Variants in CDH12 observed in about 807,000 individuals in gnomAD.
CDH12 encodes the protein cadherin 12, also known as cadherin-12.
Under a neutral mutation model 74.1 loss-of-function variants are expected in CDH12, and 41 were observed. That is an observed-to-expected ratio of 0.55 (90% CI 0.43 to 0.72). The LOEUF is 0.72. Among genes scored for constraint, CDH12 ranks in the 30% least tolerant of loss-of-function variants. The pLI is 0.00. For synonymous variants in CDH12, 399 were observed against 355.0 expected (o/e 1.12, Z -1.39); for missense variants, 945 against 977.2 (o/e 0.97, Z 0.44).
chr5:21,924,525 A>T (rs1174385061), intron 6 of CDH12, among the ~76,000 whole-genome samples: 1 of 78,670 alleles, frequency 1.3e-5, no homozygotes, highest in Non-Finnish European at 3.4e-5. Flanking sequence ...TCAATAAATA[A>T]ATACATGAAT....
rs529740382 is a variant in CDH12, at chr5:21,751,010, A to G, written c.*727T>C. On this transcript the variant is annotated 3_prime_UTR_variant, in exon 15 of 15. Transcript: ENST00000382254. ...ATTTTAATGAACAGCTTTAATGTGA[A>G]CTAATGTTAAGATCAAACATTGTTT... is the stretch of plus-strand genomic sequence containing the variant. The G allele has an allele frequency of 2.0e-5, 3 of 152,096 alleles. No individual in the cohort carries two copies. Among genetic ancestry groups the G allele is most frequent in the Non-Finnish European group, 4.4e-5 (3 of 67,984 alleles). 9.4% of individuals were successfully genotyped at this position (152,096 alleles called of 1,614,324 possible).
intron 6 of CDH12, among the ~76,000 whole-genome samples, chr5:21,886,982 A>G (rs962405812): frequency 3.3e-5 from 5 of 152,174 alleles, no homozygotes; most frequent in Admixed American, 2.0e-4. Context: ...CTAGTGTGCC[A>G]TGCAGATTTT....
At chr5:22,643,746 TTTTTTTTTTTTTTTC>T (rs888152079) in intron 1 of CDH12, among the ~76,000 whole-genome samples, 7 of 135,456 alleles carry the variant, frequency 5.2e-5, no homozygotes, top group Admixed American at 7.8e-5. Context: ...TTTTTTTTTT[TTTTTTTTTTTTTTTC>T]CACAAATTGA....
intron 1 of CDH12, among the ~76,000 whole-genome samples, chr5:22,541,763 G>T (rs1051505816): frequency 1.3e-5 from 2 of 152,204 alleles, no homozygotes; most frequent in African/African-American, 4.8e-5. Context: ...CCTTAGAGAT[G>T]TAACCTTGGC....
rs192139255 is a variant in CDH12, at chr5:21,982,321, C to T, written c.232-6936G>A. On this transcript the variant is annotated intron_variant, in intron 5 of 14. Transcript: ENST00000382254. ...GCTTTTCCTGGGTCTTGAGCCTGCC[C>T]GTCTTTAGACTAGAACTAGAAGCTA... 9.2e-3 allele frequency among the ~76,000 whole-genome samples: 1,392 copies of T among 151,998 alleles called. 19 individuals are homozygous for T. The highest frequency in any genetic ancestry group is 0.032 in the African/African-American group (1,329 of 41,450).
intron 1 of CDH12, among the ~76,000 whole-genome samples, chr5:22,667,925 C>T (rs1016422708): frequency 9.9e-5 from 15 of 151,968 alleles, no homozygotes; most frequent in African/African-American, 3.6e-4. Flanking sequence ...TGCTTAATAT[C>T]AAAGTGATGA....
chr5:22,445,264 C>T (rs571437010), intron 2 of CDH12, among the ~76,000 whole-genome samples: 46 of 152,114 alleles, frequency 3.0e-4, no homozygotes, highest in Admixed American at 1.0e-3. Flanking sequence ...ACCTCCAAAA[C>T]TCTAAGATTC....
At chr5:22,411,383 A>T (rs1580619419) in intron 2 of CDH12, among the ~76,000 whole-genome samples, 1 of 151,938 alleles carries the variant, frequency 6.6e-6, no homozygotes, top group Admixed American at 6.6e-5. Context: ...TCATTTACTT[A>T]AATAGTATGA....
At chr5:22,498,127 GTTATT>G in intron 2 of CDH12, among the ~76,000 whole-genome samples, 1 of 152,090 alleles carries the variant, frequency 6.6e-6, no homozygotes, top group East Asian at 1.9e-4. Flanking sequence ...CATTTCAAAT[GTTATT>G]TTATCAGGAA....
chr5:22,149,925 C>T lies in CDH12; in HGVS notation c.-187+62573G>A, dbSNP rs182047336. 5.7e-3 allele frequency among the ~76,000 whole-genome samples: 871 copies of T among 152,194 alleles called. 13 individuals are homozygous for T. Among genetic ancestry groups the T allele is most frequent in the African/African-American group, 0.02 (835 of 41,524 alleles). ...CAGAGAATTGCTTGAACCTGGAAGGCGGAGGTTGCAATGAGCCAAGATCAT... is the reference window on the plus strand; with the variant it reads ...CAGAGAATTGCTTGAACCTGGAAGGTGGAGGTTGCAATGAGCCAAGATCAT... On this transcript the variant is annotated intron_variant, in intron 4 of 14. Coordinates refer to ENST00000382254, the MANE Select transcript of CDH12 (RefSeq NM_004061.5).
At position 21,975,211 on chromosome 5, in the gene CDH12, T is replaced by A. The variant is rs1345491956; in HGVS notation, c.406A>T (p.Thr136Ser). The A allele has an allele frequency of 6.3e-7, 1 of 1,597,264 alleles. No homozygotes were observed. The highest frequency in any genetic ancestry group is 1.7e-5 in the Admixed American group (1 of 59,978). ...GATTCAGGCTCCAGGGGCTTTCTGG[T>A]TTCTATGTCCACAGCCTGAGCACGA... ...TLRAQAVDIE[T>S]RKPLEPESEF... is the part of the protein sequence containing the mutation. The change falls in exon 6 of 15, where the codon ACC becomes TCC. Residue 136 changes from threonine to serine, a missense_variant. By Grantham distance (58) the Thr-to-Ser change is moderately conservative. This residue lies in a region of CDH12 where 148 missense variants were observed against 162.8 expected (regional missense o/e 0.91). Coordinates refer to ENST00000382254, the MANE Select transcript of CDH12 (RefSeq NM_004061.5).
chr5:21,895,002 C>T (rs570370910), intron 6 of CDH12, among the ~76,000 whole-genome samples: 10 of 126,720 alleles, frequency 7.9e-5, no homozygotes, highest in East Asian at 4.9e-4. Context: ...CCAACTAATA[C>T]GTAGCAAATA....
chr5:21,955,250 T>C (rs1000092698), intron 6 of CDH12, among the ~76,000 whole-genome samples: 15 of 151,954 alleles, frequency 9.9e-5, no homozygotes, highest in African/African-American at 3.6e-4. Flanking sequence ...TGGAGCTAAG[T>C]TGGTCTTAAT....
intron 6 of CDH12, among the ~76,000 whole-genome samples, chr5:21,925,967 A>G (rs1754567082): frequency 2.0e-5 from 3 of 151,986 alleles, no homozygotes; most frequent in Admixed American, 2.0e-4. Flanking sequence ...GATTTCTGGC[A>G]TCTTGTGGGG....
chr5:21,930,215 T>A (rs1357381062), intron 6 of CDH12, among the ~76,000 whole-genome samples: 1 of 152,000 alleles, frequency 6.6e-6, no homozygotes, highest in Non-Finnish European at 1.5e-5. Context: ...AGAAAGAGGG[T>A]CTTGAAAAAG....
chr5:22,274,382 A>G (rs1736530375), intron 3 of CDH12, among the ~76,000 whole-genome samples: 1 of 152,180 alleles, frequency 6.6e-6, no homozygotes, highest in Admixed American at 6.5e-5. Flanking sequence ...GATTTAGCAC[A>G]TATCCTCTTT....
chr5:22,529,165 G>GTATATA (rs375609140), intron 1 of CDH12, among the ~76,000 whole-genome samples: 42 of 75,698 alleles, frequency 5.5e-4, no homozygotes, highest in South Asian at 2.3e-3. Flanking sequence ...ATACACATGT[G>GTATATA]TATATATATA....
At chr5:22,093,164 T>G (rs2150240432) in intron 4 of CDH12, among the ~76,000 whole-genome samples, 1 of 152,300 alleles carries the variant, frequency 6.6e-6, no homozygotes, top group South Asian at 2.1e-4. Context: ...AGCTTGGATT[T>G]CATAACCACA....
At chr5:22,406,597 A>G (rs1173779990) in intron 2 of CDH12, among the ~76,000 whole-genome samples, 2 of 152,178 alleles carry the variant, frequency 1.3e-5, no homozygotes, top group Non-Finnish European at 2.9e-5. Flanking sequence ...TATTTTCCCT[A>G]AAGGGTAATA....
Sources: gnomAD v4.1 joint callset for allele counts (sites outside exome capture counted in the v4.1 genomes callset) on GRCh38, gnomAD v4.1.1 for gene constraint, gnomAD v4.1.1 regional missense constraint, MANE v1.5 for transcripts, NCBI Gene and HGNC (gene_info 2026-07-23, HGNC 2026-07-21) for gene names.